Variants in CDH18 observed in about 807,000 individuals in gnomAD.
The protein encoded by CDH18 is cadherin-18.
Under a neutral mutation model 67.9 loss-of-function variants are expected in CDH18, and 31 were observed. The observed-to-expected ratio is 0.46, with a 90% confidence interval of 0.34 to 0.62. The LOEUF (loss-of-function observed/expected upper bound fraction) is 0.62. CDH18 is among the 20% of genes least tolerant of loss of function. CDH18 has a pLI of 0.01. For missense variants in CDH18, 890 were observed against 975.5 expected, an observed-to-expected ratio of 0.91 and a Z score of 1.17; for synonymous variants, 362 against 347.2, an observed-to-expected ratio of 1.04 and a Z score of -0.48.
rs183971838 is a variant in CDH18 at position 19,581,437 on chromosome 5, A to C, written c.1000-9605T>G. 3.3e-5 allele frequency among the ~76,000 whole-genome samples: 5 copies of C among 152,068 alleles called. No individual in the cohort carries two copies. In the East Asian group the frequency reaches 5.8e-4, roughly 18 times the overall value. Reference sequence around the variant, plus strand: ...TTGTTTCTCATTAATCACTTCTATTATTCCTTAAATCACCCTATTATATTC... The same window carrying C: ...TTGTTTCTCATTAATCACTTCTATTCTTCCTTAAATCACCCTATTATATTC... On this transcript the variant is annotated intron_variant, in intron 7 of 12. Coordinates refer to ENST00000382275, the MANE Select transcript of CDH18 (RefSeq NM_004934.5).
At chr5:20,298,181 A>G (rs1747686727) in intron 1 of CDH18, among the ~76,000 whole-genome samples, 1 of 152,200 alleles carries the variant, frequency 6.6e-6, no homozygotes, top group African/African-American at 2.4e-5. Context: ...AAAAAAAGCA[A>G]ACTATCTATC....
At chr5:19,751,189 C>G (rs1431386849) in intron 3 of CDH18, among the ~76,000 whole-genome samples, 1 of 152,114 alleles carries the variant, frequency 6.6e-6, no homozygotes, top group African/African-American at 2.4e-5. Flanking sequence ...ACATTAGGAT[C>G]AGGACCTGAA....
intron 2 of CDH18, among the ~76,000 whole-genome samples, chr5:20,005,358 T>G (rs1225784733): frequency 2.6e-5 from 4 of 151,402 alleles, no homozygotes; most frequent in Non-Finnish European, 5.9e-5. Context: ...TATTTGAACA[T>G]GAAAACTTCA....
chr5:20,543,029 T>C (rs1757139847), intron 1 of CDH18, among the ~76,000 whole-genome samples: 1 of 152,042 alleles, frequency 6.6e-6, no homozygotes, highest in African/African-American at 2.4e-5. Flanking sequence ...AAATAAGGCA[T>C]GAAAATCAAG....
intron 2 of CDH18, among the ~76,000 whole-genome samples, chr5:20,122,913 C>G (rs920983029): frequency 2.7e-5 from 4 of 147,538 alleles, no homozygotes; most frequent in African/African-American, 7.4e-5. Flanking sequence ...ATTGCATATA[C>G]TAGTCTTTCA....
Position 20,352,388 on chromosome 5 carries a change from T to C in CDH18, c.-579-96883A>G, listed in dbSNP as rs143820124. 1.4e-3 allele frequency among the ~76,000 whole-genome samples: 217 copies of C among 152,142 alleles called. 1 individual carries two copies. The highest frequency in any genetic ancestry group is 5.1e-3 in the African/African-American group (210 of 41,510). On this transcript the variant is annotated intron_variant, in intron 1 of 14. Transcript: ENST00000507958. Reference sequence around the variant, plus strand: ...CTGGGGGGAAGTCAAAAATTATACATAGATTTTTGACTGTGTGGGGGGCCA... The same window carrying C: ...CTGGGGGGAAGTCAAAAATTATACACAGATTTTTGACTGTGTGGGGGGCCA...
chr5:20,541,938 G>A (rs945413169), intron 1 of CDH18, among the ~76,000 whole-genome samples: 1 of 152,004 alleles, frequency 6.6e-6, no homozygotes, highest in Non-Finnish European at 1.5e-5. Flanking sequence ...CAAAGTTCAG[G>A]TTTTTGTTGT....
At chr5:20,462,237 G>A (rs1009581058) in intron 1 of CDH18, among the ~76,000 whole-genome samples, 2 of 152,112 alleles carry the variant, frequency 1.3e-5, no homozygotes, top group African/African-American at 4.8e-5. Flanking sequence ...AGAAGTCACT[G>A]TGTTAAATGA....
chr5:20,184,728 C>G (rs1267596848), intron 2 of CDH18, among the ~76,000 whole-genome samples: 2 of 151,934 alleles, frequency 1.3e-5, no homozygotes, highest in Non-Finnish European at 2.9e-5. Context: ...TGAAGGCAAT[C>G]AAAGAAATAC....
chr5:20,502,761 C>G (rs1304058113), intron 1 of CDH18, among the ~76,000 whole-genome samples: 1 of 152,100 alleles, frequency 6.6e-6, no homozygotes, highest in East Asian at 1.9e-4. Context: ...ATCTATGGGA[C>G]AGGCTTGACA....
intron 1 of CDH18, among the ~76,000 whole-genome samples, chr5:20,308,079 C>CTTTTTTTTTTTTTTTTTT (rs759117114): frequency 1.2e-5 from 1 of 85,438 alleles, no homozygotes; most frequent in Non-Finnish European, 2.2e-5. Flanking sequence ...AATACTACTG[C>CTTTTTTTTTTTTTTTTTT]TTTTTTTTTT....
At chr5:20,530,852 A>G (rs1756357311) in intron 1 of CDH18, among the ~76,000 whole-genome samples, 1 of 152,098 alleles carries the variant, frequency 6.6e-6, no homozygotes, top group Non-Finnish European at 1.5e-5. Flanking sequence ...GGAAATCACC[A>G]AAAGCAATTG....
chr5:20,369,178 T>G (rs554733629), intron 1 of CDH18, among the ~76,000 whole-genome samples: 4 of 152,280 alleles, frequency 2.6e-5, no homozygotes, highest in East Asian at 1.9e-4. Flanking sequence ...GAAGGTCTTT[T>G]AAACTCTAAT....
intron 3 of CDH18, among the ~76,000 whole-genome samples, chr5:19,767,603 A>T (rs939796782): frequency 2.6e-5 from 4 of 152,268 alleles, no homozygotes; most frequent in East Asian, 3.9e-4. Flanking sequence ...TGAATAAACC[A>T]AGATAAAGCA....
At chr5:20,265,746 C>G (rs1004388765) in intron 1 of CDH18, among the ~76,000 whole-genome samples, 2 of 152,156 alleles carry the variant, frequency 1.3e-5, no homozygotes, top group African/African-American at 2.4e-5. Context: ...TTGAACACCA[C>G]TGTTATTGGT....
intron 3 of CDH18, among the ~76,000 whole-genome samples, chr5:19,819,199 A>T (rs1391726326): frequency 1.3e-5 from 2 of 152,164 alleles, no homozygotes; most frequent in Non-Finnish European, 2.9e-5. Flanking sequence ...ATGTCAACAG[A>T]ATTAATTATA....
intron 2 of CDH18, among the ~76,000 whole-genome samples, chr5:19,993,396 T>G (rs1302899901): frequency 6.6e-6 from 1 of 152,148 alleles, no homozygotes; most frequent in Admixed American, 6.5e-5. Flanking sequence ...ATCTCTGCAC[T>G]ATTAAAGATG....
chr5:20,385,327 C>A (rs1744228659), intron 1 of CDH18, among the ~76,000 whole-genome samples: 1 of 152,152 alleles, frequency 6.6e-6, no homozygotes, highest in Admixed American at 6.5e-5. Context: ...TTTTGAAAAT[C>A]TCCAAGAATG....
intron 8 of CDH18, among the ~76,000 whole-genome samples, chr5:19,545,730 T>C (rs567664763): frequency 2.4e-4 from 37 of 152,188 alleles, no homozygotes; most frequent in Non-Finnish European, 4.6e-4. Flanking sequence ...TGGGGAAAGG[T>C]AGTTTGGGAA....
Sources: allele counts gnomAD v4.1 joint callset (sites outside exome capture counted in the v4.1 genomes callset), GRCh38; gene constraint gnomAD v4.1.1; transcripts MANE v1.5; gene names NCBI Gene and HGNC (gene_info 2026-07-23, HGNC 2026-07-21).